Variants in SOS1 observed in about 807,000 individuals in gnomAD.
SOS1 encodes son of sevenless homolog 1.
Under a neutral mutation model 157.6 loss-of-function variants are expected in SOS1, and 25 were observed. The ratio of observed to expected loss-of-function variants is 0.16; its 90% CI spans 0.12 to 0.22. The LOEUF (loss-of-function observed/expected upper bound fraction) is 0.22. Ranked by LOEUF, SOS1 falls within the 10% of genes least tolerant of loss-of-function variation. The pLI is 1.00. For missense variants in SOS1, 1,237 were observed against 1,599.1 expected (o/e 0.77, Z 3.86); for synonymous variants, 528 against 534.0 (o/e 0.99, Z 0.16).
intron 10 of SOS1, among the ~76,000 whole-genome samples, chr2:39,018,952 G>A (rs560780414): frequency 1.1e-4 from 17 of 151,716 alleles, no homozygotes; most frequent in Non-Finnish European, 1.9e-4. Context: ...ATAGAACAGC[G>A]CTGCCCTATA....
At chr2:39,045,945 C>A (rs1308858629) in intron 6 of SOS1, among the ~76,000 whole-genome samples, 1 of 152,096 alleles carries the variant, frequency 6.6e-6, no homozygotes, top group African/African-American at 2.4e-5. Flanking sequence ...AACTCCTGAC[C>A]TTGTGATCCA....
At chr2:39,056,053 C>T (rs951301220) in intron 4 of SOS1, among the ~76,000 whole-genome samples, 16 of 152,140 alleles carry the variant, frequency 1.1e-4, no homozygotes, top group African/African-American at 3.6e-4. Flanking sequence ...GTAAAACTAT[C>T]GTTTTGTGGT....
chr2:39,056,812 A>G lies in SOS1; in HGVS notation c.400T>C (p.Leu134=), dbSNP rs1180297519. 6.2e-7 allele frequency: 1 copy of G among 1,606,466 alleles called. No homozygotes were observed. The highest frequency in any genetic ancestry group is 1.3e-5 in the African/African-American group (1 of 74,918). Residue 134 remains leucine, a synonymous_variant, in exon 4 of 23, where the codon TTA becomes CTA. Transcript: ENST00000402219. ...HQVSVYIVAV[L]EYISADILKL... ...AAAATGTCTGCAGAAATGTATTCTA[A>G]GACTGCTACTATGTAAACAGAAACC...
In SOS1 at chr2:39,107,081, C is replaced by CT. The variant is rs148975727; in HGVS notation, c.87+13254dup. Among the ~76,000 whole-genome samples, 87 of 148,722 alleles carry CT rather than the reference C, an allele frequency of 5.8e-4. 1 individual carries two copies. The East Asian group carries it at 0.011, about 19-fold the overall frequency. On this transcript the variant is annotated intron_variant, in intron 1 of 22. Coordinates refer to ENST00000402219, the MANE Select transcript of SOS1 (RefSeq NM_005633.4). ...TTTTAAGAATTCACCTTAAGGCATC[C>CT]TTTTTTTTTTCTTTTAAATACAGGG... is the stretch of plus-strand genomic sequence containing the variant.
intron 17 of SOS1, among the ~76,000 whole-genome samples, chr2:39,003,147 A>G (rs1399175004): frequency 6.6e-6 from 1 of 151,890 alleles, no homozygotes; most frequent in African/African-American, 2.4e-5. Context: ...TAAACCTCAT[A>G]AGATCAGCAG....
chr2:39,011,052 T>C (rs9309031), intron 14 of SOS1, among the ~76,000 whole-genome samples: 141,625 of 152,022 alleles, frequency 0.93, 66,081 homozygotes, highest in African/African-American at 0.97. Context: ...CCCGTCATCA[T>C]GCCTGGCTAA....
intron 2 of SOS1, among the ~76,000 whole-genome samples, chr2:39,060,209 A>G (rs1279564584): frequency 2.0e-5 from 3 of 152,212 alleles, no homozygotes; most frequent in Admixed American, 6.5e-5. Flanking sequence ...TTAACCCATG[A>G]TTAACTAAGT....
intron 1 of SOS1, among the ~76,000 whole-genome samples, chr2:39,107,891 G>A (rs1047416230): frequency 1.3e-5 from 2 of 152,088 alleles, no homozygotes; most frequent in Non-Finnish European, 2.9e-5. Flanking sequence ...TCAAAGCCTT[G>A]AGGCTATACC....
chr2:38,996,863 A>G (rs1277090056), intron 19 of SOS1, 59 bp downstream of exon 19: 2 of 889,766 alleles, frequency 2.2e-6, no homozygotes, highest in East Asian at 4.8e-5. Flanking sequence ...ACCTTTATGG[A>G]AAACTATATA....
chr2:39,001,591 G>A (rs1558462876), intron 17 of SOS1, among the ~76,000 whole-genome samples: 1 of 152,084 alleles, frequency 6.6e-6, no homozygotes, highest in Non-Finnish European at 1.5e-5. Context: ...CCCAAAGAAG[G>A]GGTTTGAAAA....
chr2:39,090,993 C>T (rs995867925), intron 1 of SOS1, among the ~76,000 whole-genome samples: 4 of 152,066 alleles, frequency 2.6e-5, no homozygotes, highest in African/African-American at 4.8e-5. Flanking sequence ...TTCAGCCTCC[C>T]GAGTAAATGG....
At chr2:39,115,035 C>T (rs1673592820) in intron 1 of SOS1, among the ~76,000 whole-genome samples, 1 of 152,166 alleles carries the variant, frequency 6.6e-6, no homozygotes, top group Non-Finnish European at 1.5e-5. Context: ...TTCCCACTCC[C>T]TTCCCCCACT....
At chr2:39,047,854 G>C (rs1050173369) in intron 6 of SOS1, among the ~76,000 whole-genome samples, 2 of 152,062 alleles carry the variant, frequency 1.3e-5, no homozygotes, top group Non-Finnish European at 2.9e-5. Context: ...TTTTAATAGA[G>C]ACAGGGTTTC....
In SOS1 at chr2:38,985,706, G is replaced by T; in HGVS notation, c.*118C>A. 1 of 1,114,028 alleles carries T rather than the reference G, an allele frequency of 9.0e-7. No individual in the cohort carries two copies. Among genetic ancestry groups the T allele is most frequent in the Non-Finnish European group, 1.4e-6 (1 of 727,714 alleles). The allele number at this position is 1,114,028 out of a possible 1,614,324, so 69.0% of individuals were successfully genotyped here. ...TCATTGTCTTATACTGCATCTTGAA[G>T]AAGAGTCGTTAGTGTTTGGAGTTCT... is the stretch of plus-strand genomic sequence containing the variant. On this transcript the variant is annotated 3_prime_UTR_variant, in exon 23 of 23. Transcript: ENST00000402219.
intron 5 of SOS1, among the ~76,000 whole-genome samples, chr2:39,052,743 C>A (rs573826489): frequency 6.6e-6 from 1 of 152,114 alleles, no homozygotes; most frequent in Non-Finnish European, 1.5e-5. Flanking sequence ...CAAATAAAGC[C>A]GCTATGAACA....
At chr2:39,095,587 G>C (rs953181015) in intron 1 of SOS1, among the ~76,000 whole-genome samples, 1 of 152,098 alleles carries the variant, frequency 6.6e-6, no homozygotes, top group Non-Finnish European at 1.5e-5. Context: ...CCTGAATCTG[G>C]GGCAGAAGTG....
rs1469521689 is a variant in SOS1 at position 39,105,175 on chromosome 2, C to A, written c.87+15161G>T. ...GTACACAGAAAATAATTGTTTCAGG[C>A]ATTAAAAAAGAACAACTGAAATTTA... On this transcript the variant is annotated intron_variant, in intron 1 of 22. Transcript: ENST00000402219. Among the ~76,000 whole-genome samples, 8 of 151,958 alleles carry A rather than the reference C, an allele frequency of 5.3e-5. No homozygotes were observed. In the East Asian group the frequency reaches 1.5e-3, roughly 29 times the overall value.
intron 1 of SOS1, among the ~76,000 whole-genome samples, chr2:39,076,128 G>C (rs1671988122): frequency 6.6e-6 from 1 of 152,168 alleles, no homozygotes; most frequent in South Asian, 2.1e-4. Context: ...TAGCAAACTT[G>C]GCCGGGTGTG....
At chr2:39,078,714 A>C (rs557885451) in intron 1 of SOS1, among the ~76,000 whole-genome samples, 1 of 152,230 alleles carries the variant, frequency 6.6e-6, no homozygotes, top group Non-Finnish European at 1.5e-5. Flanking sequence ...TCCCCAAAAC[A>C]TTCCCCCACC....
Sources: allele counts gnomAD v4.1 joint callset (sites outside exome capture counted in the v4.1 genomes callset), GRCh38; gene constraint gnomAD v4.1.1; transcripts MANE v1.5; gene names NCBI Gene and HGNC (gene_info 2026-07-23, HGNC 2026-07-21).